AP1B1: variants seen among roughly 807,000 people sequenced by gnomAD.
AP1B1 encodes adaptor related protein complex 1 subunit beta 1, also known as AP-1 complex subunit beta-1.
A neutral mutation model predicts 104.3 loss-of-function variants in AP1B1; 36 were observed. The ratio of observed to expected loss-of-function variants is 0.35; its 90% CI spans 0.26 to 0.46. The LOEUF is 0.46. AP1B1 is among the 20% of genes least tolerant of loss of function. The pLI is 1.00. For synonymous variants in AP1B1, 504 were observed against 517.5 expected, an observed-to-expected ratio of 0.97 and a Z score of 0.35; for missense variants, 901 against 1,247.9, an observed-to-expected ratio of 0.72 and a Z score of 4.19.
At chr22:29,340,240 G>A (rs529566822) in intron 14 of AP1B1, among the ~76,000 whole-genome samples, 2 of 152,304 alleles carry the variant, frequency 1.3e-5, no homozygotes, top group South Asian at 4.1e-4. Context: ...GGCCTGGATG[G>A]GCTGCTATTC....
At chr22:29,381,354 T>C (rs984683400) in intron 1 of AP1B1, among the ~76,000 whole-genome samples, 1 of 152,216 alleles carries the variant, frequency 6.6e-6, no homozygotes, top group Admixed American at 6.5e-5. Flanking sequence ...TTCCCTAATG[T>C]AAATGGGGGT....
intron 16 of AP1B1, among the ~76,000 whole-genome samples, chr22:29,338,074 T>G (rs972859865): frequency 1.3e-5 from 2 of 152,194 alleles, no homozygotes; most frequent in Non-Finnish European, 2.9e-5. Context: ...CTAGGTGGCA[T>G]AGTGGGCATC....
At chr22:29,361,055 A>G (rs1377840172) in intron 3 of AP1B1, among the ~76,000 whole-genome samples, 3 of 151,772 alleles carry the variant, frequency 2.0e-5, no homozygotes, top group East Asian at 1.9e-4. Flanking sequence ...GGGGCTTATC[A>G]TATCAGCAAA....
At position 29,368,594 on chromosome 22, in the gene AP1B1, C is replaced by A. The variant is rs148401875; in HGVS notation, c.-27-1324G>T. ...TTTACAAATGATGAAACGGACTCAG[C>A]GATGTTACATGACGTGCCCAAGGTC... is the stretch of plus-strand genomic sequence containing the variant. On this transcript the variant is annotated intron_variant, in intron 1 of 22. Transcript: ENST00000357586. 2.2e-4 allele frequency among the ~76,000 whole-genome samples: 34 copies of A among 152,228 alleles called. No individual in the cohort carries two copies. The South Asian group carries it at 3.5e-3, about 16-fold the overall frequency.
In AP1B1 at chr22:29,330,332, C is replaced by T. The variant is rs113905853; in HGVS notation, c.2766+46G>A. 290 of 1,607,914 alleles carry T rather than the reference C, an allele frequency of 1.8e-4. 1 individual carries two copies. Among genetic ancestry groups the T allele is most frequent in the Middle Eastern group, 9.9e-4 (6 of 6,054 alleles). ...ACCAGGGCCACCCCCTGGCATGGGA[C>T]GAAGGGGAGGCTCCAAGGCTGCAGG... On this transcript the variant is annotated intron_variant, in intron 21 of 22. Coordinates refer to ENST00000357586, the MANE Select transcript of AP1B1 (RefSeq NM_001127.4).
At chr22:29,345,687 T>G (rs2061782636) in intron 11 of AP1B1, among the ~76,000 whole-genome samples, 1 of 151,592 alleles carries the variant, frequency 6.6e-6, no homozygotes, top group African/African-American at 2.4e-5. Flanking sequence ...TTTGTTTTGT[T>G]TTTTTTCTTT....
chr22:29,380,079 T>C (rs562281217), intron 1 of AP1B1, among the ~76,000 whole-genome samples: 2 of 152,276 alleles, frequency 1.3e-5, no homozygotes, highest in East Asian at 3.9e-4. Context: ...CCAGGTGTGT[T>C]GGGTCCTGCC....
At chr22:29,351,330 T>C in intron 8 of AP1B1, 64 bp from the exon 9 acceptor site, 1 of 1,539,794 alleles carries the variant, frequency 6.5e-7, no homozygotes. Context: ...GGAACACTCC[T>C]GGGCAGTGAA....
chr22:29,355,320 T>C (rs576960137), intron 6 of AP1B1, among the ~76,000 whole-genome samples: 14 of 150,276 alleles, frequency 9.3e-5, no homozygotes, highest in Non-Finnish European at 1.9e-4. Context: ...ATTAGCTGAG[T>C]ATGGTGGTGC....
At chr22:29,339,823 GAGAAA>G in intron 14 of AP1B1, 49 bp from the exon 15 acceptor site, 1 of 1,583,694 alleles carries the variant, frequency 6.3e-7, no homozygotes, top group South Asian at 1.1e-5. Context: ...CACATGCAGA[GAGAAA>G]AAGCCAGGAA....
intron 17 of AP1B1, among the ~76,000 whole-genome samples, chr22:29,333,795 C>T (rs929899488): frequency 6.6e-6 from 1 of 152,160 alleles, no homozygotes; most frequent in African/African-American, 2.4e-5. Flanking sequence ...TGAGCACGGT[C>T]ACTCACACCT....
rs140296320 is a variant in AP1B1, at chr22:29,331,963, G to A, written c.2310-47C>T. The A allele has an allele frequency of 1.9e-6, 3 of 1,568,670 alleles. No individual in the cohort carries two copies. The African/African-American group carries it at 4.0e-5, about 21-fold the overall frequency. On this transcript the variant is annotated intron_variant, in intron 17 of 22. Coordinates refer to ENST00000357586, the MANE Select transcript of AP1B1 (RefSeq NM_001127.4). ...AGGGATGGCAGGGGGAGTAGGTGCTGATGCGGGACAGGTGAGCTCCTCCGA... is the reference window on the plus strand; with the variant it reads ...AGGGATGGCAGGGGGAGTAGGTGCTAATGCGGGACAGGTGAGCTCCTCCGA...
intron 16 of AP1B1, 48 bp downstream of exon 16, chr22:29,338,942 T>C (rs2061674542): frequency 1.2e-6 from 2 of 1,610,410 alleles, no homozygotes; most frequent in Non-Finnish European, 1.7e-6. Context: ...CATGCCAGTC[T>C]CCATAACTTC....
intron 8 of AP1B1, 89 bp downstream of exon 8, chr22:29,351,616 G>C: frequency 1.3e-6 from 2 of 1,530,094 alleles, no homozygotes; most frequent in Non-Finnish European, 1.8e-6. Context: ...TTAATGGTGA[G>C]ACTGGTCACC....
intron 1 of AP1B1, among the ~76,000 whole-genome samples, chr22:29,384,333 C>A (rs570342154): frequency 1.3e-5 from 2 of 152,280 alleles, no homozygotes; most frequent in South Asian, 2.1e-4. Context: ...GTGGTACCAA[C>A]TGTAGTTTGA....
At chr22:29,336,636 T>C (rs2061641825) in intron 16 of AP1B1, among the ~76,000 whole-genome samples, 1 of 152,130 alleles carries the variant, frequency 6.6e-6, no homozygotes, top group East Asian at 1.9e-4. Context: ...ATCCTGTCTT[T>C]ACTAAAAATA....
At chr22:29,348,410 T>G (rs2061824359) in intron 11 of AP1B1, among the ~76,000 whole-genome samples, 1 of 152,238 alleles carries the variant, frequency 6.6e-6, no homozygotes, top group Non-Finnish European at 1.5e-5. Context: ...AGCACTGAAG[T>G]GCTTGCCTAG....
chr22:29,355,938 C>A (rs150676966), intron 6 of AP1B1, among the ~76,000 whole-genome samples: 1 of 152,120 alleles, frequency 6.6e-6, no homozygotes, highest in Non-Finnish European at 1.5e-5. Context: ...CTTCCTCCGA[C>A]TTGGAGGGTA....
intron 18 of AP1B1, 125 bp downstream of exon 18, chr22:29,331,662 C>G (rs907043082): frequency 3.8e-6 from 6 of 1,587,976 alleles, no homozygotes; most frequent in African/African-American, 1.3e-5. Context: ...GTTCCCCAAC[C>G]TGGGCCTCCC....
Sources: allele counts gnomAD v4.1 joint callset (sites outside exome capture counted in the v4.1 genomes callset), GRCh38; gene constraint gnomAD v4.1.1; transcripts MANE v1.5; gene names NCBI Gene and HGNC (gene_info 2026-07-23, HGNC 2026-07-21).